The following KLHL32 variants were observed in gnomAD, a reference collection of about 807,000 sequenced individuals.
KLHL32 encodes the protein kelch-like protein 32.
Under a neutral mutation model 64.8 loss-of-function variants are expected in KLHL32, and 35 were observed. That is an observed-to-expected ratio of 0.54 (90% confidence interval 0.41 to 0.72). KLHL32 has a LOEUF of 0.72. Ranked by LOEUF, KLHL32 falls within the 30% of genes least tolerant of loss-of-function variation. KLHL32 has a pLI of 0.00. For missense variants in KLHL32, 589 were observed against 768.5 expected, an observed-to-expected ratio of 0.77 and a Z score of 2.76; for synonymous variants, 259 against 281.0, an observed-to-expected ratio of 0.92 and a Z score of 0.78.
At chr6:96,956,353 A>T (rs1038638162) in intron 1 of KLHL32, among the ~76,000 whole-genome samples, 2 of 152,250 alleles carry the variant, frequency 1.3e-5, no homozygotes, top group Admixed American at 1.3e-4. Context: ...TGAAGGTCAC[A>T]TAAGCACTAT....
chr6:96,979,592 A>G (rs1046141985), intron 3 of KLHL32, among the ~76,000 whole-genome samples: 1 of 151,926 alleles, frequency 6.6e-6, no homozygotes, highest in Non-Finnish European at 1.5e-5. Flanking sequence ...TATACTACAA[A>G]CAATACTACA....
chr6:96,918,344 G>A, the KLHL32 span, among the ~76,000 whole-genome samples: 70 of 152,158 alleles, frequency 4.6e-4, no homozygotes, highest in Non-Finnish European at 8.8e-4. Context: ...AAATATTTTT[G>A]TGTTATTTTT....
chr6:96,984,225 T>G (rs879665772), intron 3 of KLHL32, among the ~76,000 whole-genome samples: 1 of 152,238 alleles, frequency 6.6e-6, no homozygotes, highest in Non-Finnish European at 1.5e-5. Context: ...TCTAGTTTGA[T>G]TGCACTGTGG....
chr6:96,973,730 C>CTCTTTTTTTTTTT (rs1554208428), intron 2 of KLHL32, among the ~76,000 whole-genome samples: 3 of 118,266 alleles, frequency 2.5e-5, no homozygotes, highest in African/African-American at 9.8e-5. Flanking sequence ...TACAGATTGC[C>CTCTTTTTTTTTTT]TTTTTTTTTT....
Position 96,973,730 on chromosome 6 carries a change from C to CTCTTTTTTTT in KLHL32, c.24-2266_24-2265insCTTTTTTTTT, listed in dbSNP as rs1554208428. 3.9e-3 allele frequency among the ~76,000 whole-genome samples: 458 copies of CTCTTTTTTTT among 118,262 alleles called. 21 individuals carry two copies. Among genetic ancestry groups the CTCTTTTTTTT allele is most frequent in the African/African-American group, 0.014 (440 of 30,760 alleles). 77.6% of individuals were successfully genotyped at this position (118,262 alleles called of 152,430 possible). On this transcript the variant is annotated intron_variant, in intron 2 of 10. Coordinates refer to ENST00000369261, the MANE Select transcript of KLHL32 (RefSeq NM_052904.4). ...GATTTTTGAGATCTTTACAGATTGC[C>CTCTTTTTTTT]TTTTTTTTTTTAGACAGAGTCTCGC... is the stretch of plus-strand genomic sequence containing the variant.
chr6:97,113,756 C>T, intron 6 of KLHL32, 27 bp from the exon 7 acceptor site: 1 of 1,599,930 alleles, frequency 6.3e-7, no homozygotes, highest in Non-Finnish European at 8.6e-7. Context: ...TTTGTGTCTC[C>T]TCTCATCTCA....
chr6:97,025,400 C>A (rs1731652571), intron 3 of KLHL32, among the ~76,000 whole-genome samples: 1 of 152,202 alleles, frequency 6.6e-6, no homozygotes, highest in Non-Finnish European at 1.5e-5. Flanking sequence ...CATATCAAAT[C>A]ATTCATATCA....
At chr6:97,068,990 ATAGG>A (rs1309896789) in intron 5 of KLHL32, among the ~76,000 whole-genome samples, 4 of 152,164 alleles carry the variant, frequency 2.6e-5, no homozygotes, top group African/African-American at 9.7e-5. Context: ...CGCAAGGGCG[ATAGG>A]TAGAGCATTT....
chr6:97,000,336 A>T (rs1456908030), intron 3 of KLHL32, among the ~76,000 whole-genome samples: 2 of 152,192 alleles, frequency 1.3e-5, no homozygotes, highest in Non-Finnish European at 2.9e-5. Flanking sequence ...CATGCTGATG[A>T]GCTACAGGAT....
At chr6:97,129,711 G>A (rs1035867390) in intron 8 of KLHL32, among the ~76,000 whole-genome samples, 8 of 152,158 alleles carry the variant, frequency 5.3e-5, no homozygotes, top group African/African-American at 9.6e-5. Flanking sequence ...GTGAAACCCC[G>A]TCTTCACTAA....
chr6:97,067,097 G>A (rs1405661658), intron 5 of KLHL32, among the ~76,000 whole-genome samples: 2 of 152,120 alleles, frequency 1.3e-5, no homozygotes. Context: ...AGGGCAGACC[G>A]GCTCAAATAT....
At chr6:97,137,453 T>C (rs1265668364) in intron 10 of KLHL32, among the ~76,000 whole-genome samples, 1 of 152,224 alleles carries the variant, frequency 6.6e-6, no homozygotes, top group African/African-American at 2.4e-5. Flanking sequence ...CTAGGACTTC[T>C]TAGTAATTTC....
chr6:97,015,609 A>G (rs977643484), intron 3 of KLHL32, among the ~76,000 whole-genome samples: 3 of 152,312 alleles, frequency 2.0e-5, no homozygotes, highest in African/African-American at 7.2e-5. Context: ...AGGGAAGGAG[A>G]GCATAAAAGT....
intron 3 of KLHL32, among the ~76,000 whole-genome samples, chr6:97,023,272 A>G (rs763050608): frequency 3.3e-5 from 5 of 152,266 alleles, no homozygotes; most frequent in Non-Finnish European, 5.9e-5. Context: ...AGGACTGGTT[A>G]GCAAAAGATC....
intron 3 of KLHL32, among the ~76,000 whole-genome samples, chr6:96,997,136 G>A (rs1049148122): frequency 6.6e-6 from 1 of 152,122 alleles, no homozygotes; most frequent in African/African-American, 2.4e-5. Flanking sequence ...AAAAGAGCAG[G>A]CACAAGACAT....
At chr6:97,116,402 T>C (rs1797812034) in intron 7 of KLHL32, among the ~76,000 whole-genome samples, 1 of 152,168 alleles carries the variant, frequency 6.6e-6, no homozygotes, top group Non-Finnish European at 1.5e-5. Context: ...AAGGAACAGA[T>C]CTGTACTTGT....
chr6:97,034,278 C>T (rs1438006205), intron 3 of KLHL32, among the ~76,000 whole-genome samples: 1 of 152,134 alleles, frequency 6.6e-6, no homozygotes, highest in Non-Finnish European at 1.5e-5. Context: ...AAAGCCTGTC[C>T]TTTCCCTATT....
At chr6:97,021,849 A>G (rs1294343188) in intron 3 of KLHL32, among the ~76,000 whole-genome samples, 1 of 150,896 alleles carries the variant, frequency 6.6e-6, no homozygotes, top group African/African-American at 2.5e-5. Flanking sequence ...AAAACTGCTT[A>G]TTGCACAGTT....
chr6:96,941,954 T>C (rs1260428735), intron 1 of KLHL32, among the ~76,000 whole-genome samples: 3 of 152,214 alleles, frequency 2.0e-5, no homozygotes, highest in Admixed American at 2.0e-4. Context: ...CTATGCAAAA[T>C]GCATGTATGA....
Sources: gnomAD v4.1 joint callset for allele counts (sites outside exome capture counted in the v4.1 genomes callset) on GRCh38, gnomAD v4.1.1 for gene constraint, MANE v1.5 for transcripts, NCBI Gene and HGNC (gene_info 2026-07-23, HGNC 2026-07-21) for gene names.